The following ABLIM3 variants were observed in gnomAD, a reference collection of about 807,000 sequenced individuals.
ABLIM3 encodes actin binding LIM protein family member 3, also known as actin-binding LIM protein 3.
Under a neutral mutation model 109.5 loss-of-function variants are expected in ABLIM3, and 61 were observed. The ratio of observed to expected loss-of-function variants is 0.56; its 90% CI spans 0.45 to 0.69. The LOEUF is 0.69. ABLIM3 is among the 30% of genes least tolerant of loss of function. The pLI is 0.00. For synonymous variants in ABLIM3, 300 were observed against 324.8 expected (o/e 0.92, Z 0.82); for missense variants, 796 against 889.5 (o/e 0.89, Z 1.34).
intron 2 of ABLIM3, among the ~76,000 whole-genome samples, chr5:149,168,449 G>C (rs933449554): frequency 8.5e-5 from 13 of 152,312 alleles, no homozygotes; most frequent in African/African-American, 3.1e-4. Flanking sequence ...AGACACGACG[G>C]AGTGAGGAAA....
At chr5:149,207,312 G>A (rs1316928744) in intron 6 of ABLIM3, among the ~76,000 whole-genome samples, 178 bp downstream of exon 6, 1 of 151,984 alleles carries the variant, frequency 6.6e-6, no homozygotes, top group African/African-American at 2.4e-5. Flanking sequence ...CTCCCGGGGG[G>A]GTTTCCCTCT....
intron 2 of ABLIM3, among the ~76,000 whole-genome samples, chr5:149,183,070 G>T (rs1756599859): frequency 6.6e-6 from 1 of 152,196 alleles, no homozygotes; most frequent in Non-Finnish European, 1.5e-5. Context: ...TGAGTCAATT[G>T]CAAGTCCCAA....
chr5:149,203,154 C>CATT (rs1758639028), intron 5 of ABLIM3, among the ~76,000 whole-genome samples: 1 of 151,966 alleles, frequency 6.6e-6, no homozygotes, highest in Non-Finnish European at 1.5e-5. Context: ...TCATTATCAT[C>CATT]ACTACTATCA....
At chr5:149,176,187 C>T (rs564891602) in intron 2 of ABLIM3, among the ~76,000 whole-genome samples, 1 of 152,168 alleles carries the variant, frequency 6.6e-6, no homozygotes, top group Non-Finnish European at 1.5e-5. Context: ...TCAGGCTTTA[C>T]CTGCCCATGC....
At chr5:149,215,577 A>G (rs1759993807) in intron 7 of ABLIM3, among the ~76,000 whole-genome samples, 1 of 152,112 alleles carries the variant, frequency 6.6e-6, no homozygotes, top group Admixed American at 6.5e-5. Context: ...TTATTATGCA[A>G]TTATAATTTT....
intron 11 of ABLIM3, 75 bp downstream of exon 11, chr5:149,237,678 CACAG>C (rs765081609): frequency 2.2e-5 from 34 of 1,576,156 alleles, no homozygotes; most frequent in Non-Finnish European, 2.6e-5. Context: ...CCCTCTCCAT[CACAG>C]ACAGTTTGGC....
rs547116445 is a variant in ABLIM3 at position 149,223,744 on chromosome 5, T to G, written c.757+6698T>G. On this transcript the variant is annotated intron_variant, in intron 8 of 23. Coordinates refer to ENST00000309868, the MANE Select transcript of ABLIM3 (RefSeq NM_014945.5). The stretch of plus-strand genomic sequence containing the variant: ...CTCAGCAGAGAAGTTCCAGAGAGTC[T>G]GAGGACCTGTTGCCCACACTCAGGC... Among the ~76,000 whole-genome samples, 8 of 152,264 alleles carry G rather than the reference T, an allele frequency of 5.3e-5. No individual in the cohort carries two copies. In the East Asian group the frequency reaches 1.5e-3, roughly 29 times the overall value.
intron 15 of ABLIM3, chr5:149,244,674 G>A: frequency 1.6e-6 from 1 of 608,338 alleles, no homozygotes. Context: ...TCCCCTCTCT[G>A]GTGCTCCAAT....
At chr5:149,188,624 G>C (rs1379403276) in intron 3 of ABLIM3, among the ~76,000 whole-genome samples, 1 of 152,218 alleles carries the variant, frequency 6.6e-6, no homozygotes, top group African/African-American at 2.4e-5. Flanking sequence ...AAGGGAGAGA[G>C]GGACAGCCAG....
At chr5:149,249,192 C>T (rs1305897656) in intron 18 of ABLIM3, among the ~76,000 whole-genome samples, 1 of 152,186 alleles carries the variant, frequency 6.6e-6, no homozygotes, top group Non-Finnish European at 1.5e-5. Context: ...GAGCTCTTCC[C>T]TCTTCCCCAT....
chr5:149,251,799 T>C (rs1753954876), intron 21 of ABLIM3, among the ~76,000 whole-genome samples: 2 of 152,202 alleles, frequency 1.3e-5, no homozygotes, highest in South Asian at 4.1e-4. Flanking sequence ...TCTCTGCCAG[T>C]GATGCTTTCA....
intron 17 of ABLIM3, among the ~76,000 whole-genome samples, chr5:149,246,943 C>T (rs1423690341): frequency 6.6e-6 from 1 of 152,242 alleles, no homozygotes; most frequent in African/African-American, 2.4e-5. Context: ...AGCAATTCCA[C>T]TCCTAGATAT....
At position 149,142,031 on chromosome 5, in the gene ABLIM3, C is replaced by T. The variant is rs1336865313; in HGVS notation, c.-65C>T. On this transcript the variant is annotated 5_prime_UTR_variant, in exon 2 of 24. It adds an upstream start codon to the 5' untranslated region. Transcript: ENST00000309868. ...CAGGTGATGAGTGAGGTTCGAAGAA[C>T]GGAAGATTTAAAAAGCAGCCGGGGC... 5.0e-6 allele frequency: 8 copies of T among 1,612,408 alleles called. No individual in the cohort carries two copies. The highest frequency in any genetic ancestry group is 1.1e-5 in the South Asian group (1 of 91,060).
At chr5:149,257,359 A>G (rs994109458) in intron 23 of ABLIM3, among the ~76,000 whole-genome samples, 5 of 151,478 alleles carry the variant, frequency 3.3e-5, no homozygotes, top group Admixed American at 1.3e-4. Context: ...GTGGTCACAT[A>G]AATAATTTTC....
chr5:149,195,073 T>C (rs1268903535), intron 3 of ABLIM3, among the ~76,000 whole-genome samples: 1 of 152,198 alleles, frequency 6.6e-6, no homozygotes, highest in South Asian at 2.1e-4. Flanking sequence ...ATTCAAAAAG[T>C]TGAAAATCAC....
rs746086610 is a variant in ABLIM3, at chr5:149,198,172, C to A, written c.152-47C>A. The A allele has an allele frequency of 5.8e-6, 9 of 1,558,144 alleles. No homozygotes were observed. Among genetic ancestry groups the A allele is most frequent in the East Asian group, 2.3e-5 (1 of 44,274 alleles). ...CCAGCGAGGACCTTCTGCTTACAGA[C>A]CCTCCCTGGACTCAACCTGCCCTTG... On this transcript the variant is annotated intron_variant, in intron 3 of 23. Coordinates refer to ENST00000309868, the MANE Select transcript of ABLIM3 (RefSeq NM_014945.5). The surrounding 1 kb of genome is among the most constrained non-coding windows in gnomAD (Gnocchi z 4.2).
intron 8 of ABLIM3, among the ~76,000 whole-genome samples, chr5:149,221,885 C>T (rs545641515): frequency 6.6e-6 from 1 of 152,126 alleles, no homozygotes; most frequent in South Asian, 2.1e-4. Flanking sequence ...CTTCTTCTAC[C>T]CTTCTGTCTA....
At chr5:149,233,673 T>C (rs1027400872) in intron 10 of ABLIM3, among the ~76,000 whole-genome samples, 2 of 152,164 alleles carry the variant, frequency 1.3e-5, no homozygotes, top group Admixed American at 6.5e-5. Flanking sequence ...GTATTCTGAA[T>C]AGGTATTAGG....
chr5:149,231,501 A>G (rs1276568562), intron 9 of ABLIM3, among the ~76,000 whole-genome samples: 1 of 152,224 alleles, frequency 6.6e-6, no homozygotes, highest in East Asian at 1.9e-4. Context: ...GTTACCTGCT[A>G]GAGTCTATCC....
Sources: allele counts gnomAD v4.1 joint callset (sites outside exome capture counted in the v4.1 genomes callset), GRCh38; gene constraint gnomAD v4.1.1; non-coding constraint Gnocchi (gnomAD v3.1); transcripts MANE v1.5; gene names NCBI Gene and HGNC (gene_info 2026-07-23, HGNC 2026-07-21).